The following PPM1H variants were observed in gnomAD, a reference collection of about 807,000 sequenced individuals.
PPM1H encodes protein phosphatase 1H.
Under a neutral mutation model 54.9 loss-of-function variants are expected in PPM1H, and 27 were observed. That is an observed-to-expected ratio of 0.49 (90% CI 0.36 to 0.68). PPM1H has a LOEUF of 0.68. PPM1H is among the 30% of genes least tolerant of loss of function. The pLI is 0.00. For missense variants in PPM1H, 596 were observed against 667.8 expected (o/e 0.89, Z 1.19); for synonymous variants, 305 against 270.8 (o/e 1.13, Z -1.24).
chr12:62,727,975 A>T (rs563488699), intron 5 of PPM1H, among the ~76,000 whole-genome samples: 23 of 152,206 alleles, frequency 1.5e-4, no homozygotes, highest in African/African-American at 5.5e-4. Flanking sequence ...AATGCAATTT[A>T]AAGTGTACCA....
chr12:62,859,628 G>A (rs1274342448), intron 1 of PPM1H, among the ~76,000 whole-genome samples: 1 of 152,104 alleles, frequency 6.6e-6, no homozygotes, highest in Non-Finnish European at 1.5e-5. Flanking sequence ...TTGTCTTATG[G>A]AACAATCACA....
At chr12:62,722,306 T>C (rs1193273691) in intron 5 of PPM1H, among the ~76,000 whole-genome samples, 1 of 152,082 alleles carries the variant, frequency 6.6e-6, no homozygotes, top group Admixed American at 6.6e-5. Flanking sequence ...GGCTTAGGGG[T>C]TACCATGTGC....
intron 2 of PPM1H, among the ~76,000 whole-genome samples, chr12:62,819,117 G>A (rs1205700909): frequency 2.2e-5 from 3 of 133,986 alleles, no homozygotes; most frequent in Non-Finnish European, 3.2e-5. Flanking sequence ...CCACTGCGCC[G>A]GCCAAAACAT....
intron 7 of PPM1H, among the ~76,000 whole-genome samples, chr12:62,690,720 C>CT (rs2076078067): frequency 6.6e-6 from 1 of 152,166 alleles, no homozygotes; most frequent in Non-Finnish European, 1.5e-5. Flanking sequence ...GCCTGTAATC[C>CT]CAGCACTTTG....
chr12:62,882,275 T>C (rs1870424099), intron 1 of PPM1H, among the ~76,000 whole-genome samples: 3 of 152,210 alleles, frequency 2.0e-5, no homozygotes, highest in Admixed American at 2.0e-4. Flanking sequence ...ACAGTCCCTG[T>C]TTTGCCACCC....
chr12:62,686,718 T>C (rs1196716393), intron 8 of PPM1H, among the ~76,000 whole-genome samples: 2 of 152,192 alleles, frequency 1.3e-5, no homozygotes, highest in Non-Finnish European at 2.9e-5. Flanking sequence ...CAAATGGTAA[T>C]TATTATTTCT....
At chr12:62,861,384 T>C (rs1690713043) in intron 1 of PPM1H, among the ~76,000 whole-genome samples, 1 of 152,370 alleles carries the variant, frequency 6.6e-6, no homozygotes, top group African/African-American at 2.4e-5. Context: ...AAGTAGTTAA[T>C]ACTAACAGTT....
At chr12:62,649,053 T>C (rs917204740) in intron 9 of PPM1H, among the ~76,000 whole-genome samples, 1 of 152,206 alleles carries the variant, frequency 6.6e-6, no homozygotes, top group Admixed American at 6.5e-5. Context: ...AGTTTTAGAG[T>C]TATATTGCTT....
intron 8 of PPM1H, among the ~76,000 whole-genome samples, chr12:62,673,099 G>C (rs342175): frequency 5.9e-5 from 9 of 152,158 alleles, no homozygotes; most frequent in African/African-American, 2.2e-4. Flanking sequence ...TTCTTCCTTT[G>C]TTTTCAGTGG....
At chr12:62,770,806 G>A (rs2076574867) in intron 4 of PPM1H, among the ~76,000 whole-genome samples, 1 of 152,134 alleles carries the variant, frequency 6.6e-6, no homozygotes, top group South Asian at 2.1e-4. Context: ...CAGGCCTGGT[G>A]GCCCACAGTA....
At chr12:62,903,195 C>G (rs779924636) in intron 1 of PPM1H, among the ~76,000 whole-genome samples, 1 of 152,188 alleles carries the variant, frequency 6.6e-6, no homozygotes, top group Non-Finnish European at 1.5e-5. Context: ...TTTGAAGTAG[C>G]TGGTGCAGTT....
chr12:62,738,268 G>T (rs2076361351), intron 4 of PPM1H, among the ~76,000 whole-genome samples: 1 of 151,838 alleles, frequency 6.6e-6, no homozygotes, highest in Admixed American at 6.6e-5. Flanking sequence ...AATCTGCATT[G>T]TAATAAGATC....
chr12:62,779,344 G>A (rs555295746), intron 4 of PPM1H, among the ~76,000 whole-genome samples: 11 of 152,288 alleles, frequency 7.2e-5, no homozygotes, highest in African/African-American at 2.4e-4. Context: ...ACTGCACAGG[G>A]CCTCAAACAT....
At chr12:62,696,924 G>A (rs1290914178) in intron 6 of PPM1H, among the ~76,000 whole-genome samples, 1 of 152,182 alleles carries the variant, frequency 6.6e-6, no homozygotes, top group Non-Finnish European at 1.5e-5. Context: ...GTCCGAGTCT[G>A]AAATGAGACC....
In PPM1H at chr12:62,658,056, C is replaced by CAAAAA. The variant is rs34769800; in HGVS notation, c.1397+9117_1397+9121dup. Among the ~76,000 whole-genome samples the CAAAAA allele has an allele frequency of 8.1e-4, 87 of 107,290 alleles. 6 individuals are homozygous for CAAAAA. In the East Asian group the frequency reaches 0.019, roughly 23 times the overall value. 70.4% of individuals were successfully genotyped at this position (107,290 alleles called of 152,430 possible). On this transcript the variant is annotated intron_variant, in intron 9 of 9. Coordinates refer to ENST00000228705, the MANE Select transcript of PPM1H (RefSeq NM_020700.2). ...ACAGAGGGTCATTAAATCCAGGTTA[C>CAAAAA]AAAAAAAAAAAAAAAAAAAATGAGG...
intron 1 of PPM1H, among the ~76,000 whole-genome samples, chr12:62,926,505 G>T (rs1871974569): frequency 6.6e-6 from 1 of 151,656 alleles, no homozygotes; most frequent in African/African-American, 2.4e-5. Context: ...ATTTTGCATT[G>T]CAAAGAAAAA....
intron 3 of PPM1H, among the ~76,000 whole-genome samples, chr12:62,795,556 C>T (rs1316766465): frequency 1.1e-4 from 17 of 152,086 alleles, no homozygotes; most frequent in Admixed American, 1.1e-3. Context: ...ACACCATTCT[C>T]CTGCCTCAGG....
chr12:62,853,755 C>A (rs1199847457), intron 1 of PPM1H, among the ~76,000 whole-genome samples: 1 of 152,100 alleles, frequency 6.6e-6, no homozygotes, highest in African/African-American at 2.4e-5. Flanking sequence ...TCATCACCCC[C>A]ACAATATATG....
chr12:62,756,415 A>G (rs995291793), intron 4 of PPM1H, among the ~76,000 whole-genome samples: 1 of 151,758 alleles, frequency 6.6e-6, no homozygotes, highest in Middle Eastern at 3.2e-3. Flanking sequence ...GCCATTAATA[A>G]AGTCCCCTGC....
Sources: allele counts gnomAD v4.1 joint callset (sites outside exome capture counted in the v4.1 genomes callset), GRCh38; gene constraint gnomAD v4.1.1; transcripts MANE v1.5; gene names NCBI Gene and HGNC (gene_info 2026-07-23, HGNC 2026-07-21).